The following LRFN5 variants were observed in gnomAD, a reference collection of about 807,000 sequenced individuals.
The protein encoded by LRFN5 is leucine-rich repeat and fibronectin type-III domain-containing protein 5.
Under a neutral mutation model 45.6 loss-of-function variants are expected in LRFN5, and 24 were observed. That is an observed-to-expected ratio of 0.53 (90% CI 0.38 to 0.74). LRFN5 has a LOEUF of 0.74. Ranked by LOEUF, LRFN5 falls within the 30% of genes least tolerant of loss-of-function variation. The pLI is 0.00. For synonymous variants in LRFN5, 340 were observed against 313.8 expected (o/e 1.08, Z -0.88); for missense variants, 776 against 861.5 (o/e 0.90, Z 1.24).
intron 1 of LRFN5, among the ~76,000 whole-genome samples, chr14:41,757,174 G>A (rs2138858962): frequency 1.3e-5 from 2 of 152,306 alleles, no homozygotes; most frequent in South Asian, 4.1e-4. Flanking sequence ...CCTACTAGGG[G>A]GTGCCTCCCA....
intron 1 of LRFN5, among the ~76,000 whole-genome samples, chr14:41,658,000 C>T (rs967163071): frequency 3.3e-5 from 5 of 151,292 alleles, no homozygotes; most frequent in Admixed American, 6.6e-5. Context: ...GTGTATTCTA[C>T]CTGTTTACAA....
At chr14:41,826,304 A>G (rs1469271126) in intron 2 of LRFN5, among the ~76,000 whole-genome samples, 1 of 152,160 alleles carries the variant, frequency 6.6e-6, no homozygotes, top group Non-Finnish European at 1.5e-5. Context: ...GCCTTGTACC[A>G]TACTTTCCTT....
chr14:41,889,863 C>A (rs1445513458), intron 3 of LRFN5, among the ~76,000 whole-genome samples: 3 of 151,970 alleles, frequency 2.0e-5, no homozygotes, highest in African/African-American at 7.3e-5. Context: ...TGTCTATAAA[C>A]TCTTTATTTA....
At chr14:41,802,379 TG>T (rs1299447247) in intron 2 of LRFN5, among the ~76,000 whole-genome samples, 6 of 152,094 alleles carry the variant, frequency 3.9e-5, no homozygotes, top group African/African-American at 1.4e-4. Context: ...GGATTCTTGC[TG>T]AAGGCAGGCC....
At chr14:41,807,111 TAA>T (rs1887551788) in intron 2 of LRFN5, among the ~76,000 whole-genome samples, 1 of 152,012 alleles carries the variant, frequency 6.6e-6, no homozygotes, top group Non-Finnish European at 1.5e-5. Flanking sequence ...AGTAAAGAAA[TAA>T]GATACATTCT....
rs542187886 is a variant in LRFN5 at position 41,843,252 on chromosome 14, C to T, written c.-20-43354C>T. ...GGTACTGTATGCATACCATCATGCC[C>T]AGCTATATTCTAAATTTGTTTTGTA... is the stretch of plus-strand genomic sequence containing the variant. On this transcript the variant is annotated intron_variant, in intron 2 of 5. Coordinates refer to ENST00000298119, the MANE Select transcript of LRFN5 (RefSeq NM_152447.5). 8.6e-5 allele frequency among the ~76,000 whole-genome samples: 13 copies of T among 151,774 alleles called. No individual in the cohort carries two copies. The South Asian group carries it at 2.7e-3, about 32-fold the overall frequency.
intron 1 of LRFN5, among the ~76,000 whole-genome samples, chr14:41,694,211 G>A (rs949190312): frequency 6.6e-6 from 1 of 151,736 alleles, no homozygotes; most frequent in African/African-American, 2.4e-5. Flanking sequence ...AATTTACTCT[G>A]TTAGTTATTC....
chr14:41,731,255 A>C (rs1370549928), intron 1 of LRFN5: 1 of 151,038 alleles, frequency 6.6e-6, no homozygotes, highest in Admixed American at 6.6e-5. Context: ...GATCATATGA[A>C]TTTACGGGAT....
intron 1 of LRFN5, among the ~76,000 whole-genome samples, chr14:41,670,184 CTA>C (rs773476624): frequency 3.6e-4 from 46 of 127,910 alleles, no homozygotes; most frequent in Non-Finnish European, 5.0e-4. Flanking sequence ...TACACATTCT[CTA>C]TATATATATA....
rs947810860 is a variant in LRFN5, at chr14:41,892,937, A to G, written c.2098+975A>G. On this transcript the variant is annotated intron_variant, in intron 4 of 5. Coordinates refer to ENST00000298119, the MANE Select transcript of LRFN5 (RefSeq NM_152447.5). ...TTCTTAATACAAGATAAAGAGGGAG[A>G]CAAACATACAAGACTGCCTTTATCA... The G allele has an allele frequency of 3.1e-5, 31 of 985,316 alleles. No individual in the cohort carries two copies. In the African/African-American group the frequency reaches 5.2e-4, roughly 17 times the overall value. The allele number at this position is 985,316 out of a possible 1,614,324, so 61.0% of individuals were successfully genotyped here. A position where few individuals can be genotyped will look rare whatever the true frequency, so the allele number is the denominator to read the frequency against.
intron 2 of LRFN5, among the ~76,000 whole-genome samples, chr14:41,883,263 T>C (rs1388499734): frequency 6.6e-6 from 1 of 152,216 alleles, no homozygotes; most frequent in Non-Finnish European, 1.5e-5. Flanking sequence ...TTATAGCTTA[T>C]CCAGCTTATT....
chr14:41,683,527 G>A (rs1881994020), intron 1 of LRFN5, among the ~76,000 whole-genome samples: 1 of 152,098 alleles, frequency 6.6e-6, no homozygotes, highest in Non-Finnish European at 1.5e-5. Flanking sequence ...GTTTGCAAAT[G>A]ATATGATCTT....
intron 1 of LRFN5, among the ~76,000 whole-genome samples, chr14:41,654,972 TCACA>T (rs1880308959): frequency 1.3e-5 from 2 of 152,122 alleles, no homozygotes; most frequent in Non-Finnish European, 2.9e-5. Flanking sequence ...CTTTTGTGAT[TCACA>T]TAAGTTATTC....
chr14:41,893,978 A>G (rs773990529), intron 4 of LRFN5: 81 of 984,984 alleles, frequency 8.2e-5, no homozygotes, highest in Admixed American at 2.5e-4. Flanking sequence ...CTATTAATGT[A>G]GTAATGCTCT....
intron 1 of LRFN5, among the ~76,000 whole-genome samples, chr14:41,717,300 G>A (rs1883532058): frequency 6.6e-6 from 1 of 152,210 alleles, no homozygotes; most frequent in South Asian, 2.1e-4. Context: ...GAATGGCTTA[G>A]AGTAGGCTTG....
At position 41,891,609 on chromosome 14, in the gene LRFN5, G is replaced by A; in HGVS notation, c.1745G>A (p.Ser582Asn). ...QTNGAQIQGC[S>N]VTLPQSVSKQ... The stretch of plus-strand genomic sequence containing the variant: ...AACGGGGCTCAAATACAAGGCTGTA[G>A]TGTAACGCTGCCCCAGTCCGTGTCC... The change falls in exon 4 of 6, where the codon AGT becomes AAT. Residue 582 changes from serine (S) to asparagine (N), a missense_variant. By Grantham distance (46) the Ser-to-Asn change is conservative. Around this residue, in one of 2 missense-constraint regions of LRFN5, gnomAD observed 465 missense variants for 456.4 expected, o/e 1.02. Transcript: ENST00000298119. 2 of 1,614,214 alleles carry A rather than the reference G, an allele frequency of 1.2e-6. No individual in the cohort carries two copies. The highest frequency in any genetic ancestry group is 1.7e-6 in the Non-Finnish European group (2 of 1,180,038).
chr14:41,690,979 A>G (rs1256605721), intron 1 of LRFN5, among the ~76,000 whole-genome samples: 1 of 152,014 alleles, frequency 6.6e-6, no homozygotes. Context: ...CTGACACAGA[A>G]TAAAAGAGAA....
chr14:41,655,552 G>C (rs1400119610), intron 1 of LRFN5, among the ~76,000 whole-genome samples: 1 of 151,952 alleles, frequency 6.6e-6, no homozygotes, highest in Non-Finnish European at 1.5e-5. Context: ...TGTGTAGGAT[G>C]GGAAACCATT....
At chr14:41,655,449 A>G (rs1167873260) in intron 1 of LRFN5, among the ~76,000 whole-genome samples, 1 of 152,040 alleles carries the variant, frequency 6.6e-6, no homozygotes, top group Admixed American at 6.6e-5. Context: ...AAGCAGCTAG[A>G]TTAGTGGAGC....
Sources: gnomAD v4.1 joint callset for allele counts (sites outside exome capture counted in the v4.1 genomes callset) on GRCh38, gnomAD v4.1.1 for gene constraint, gnomAD v4.1.1 regional missense constraint, MANE v1.5 for transcripts, NCBI Gene and HGNC (gene_info 2026-07-23, HGNC 2026-07-21) for gene names.